UGT8: variants seen among roughly 807,000 people sequenced by gnomAD.
The protein encoded by UGT8 is 2-hydroxyacylsphingosine 1-beta-galactosyltransferase.
A neutral mutation model predicts 40.5 loss-of-function variants in UGT8; 12 were observed. The ratio of observed to expected loss-of-function variants is 0.30; its 90% confidence interval spans 0.19 to 0.48. The LOEUF (loss-of-function observed/expected upper bound fraction) is 0.48, where lower values mean the gene tolerates loss of function less well. Ranked by LOEUF, UGT8 falls within the 20% of genes least tolerant of loss-of-function variation. The pLI, the probability that UGT8 is intolerant of heterozygous loss-of-function variation, is 0.99. For missense variants in UGT8, 513 were observed against 648.7 expected, an observed-to-expected ratio of 0.79 and a Z score of 2.27; for synonymous variants, 224 against 240.4, an observed-to-expected ratio of 0.93 and a Z score of 0.63.
intron 1 of UGT8, among the ~76,000 whole-genome samples, chr4:114,603,852 G>A (rs1730581160): frequency 6.6e-6 from 1 of 152,168 alleles, no homozygotes; most frequent in Non-Finnish European, 1.5e-5. Flanking sequence ...CCAGGACTTG[G>A]ATTTGTGATT....
chr4:114,616,642 A>T (rs1299767867), intron 1 of UGT8, among the ~76,000 whole-genome samples: 20 of 151,860 alleles, frequency 1.3e-4, no homozygotes, highest in Admixed American at 1.3e-3. Flanking sequence ...AGTGAGATGA[A>T]CCCAGTACCT....
chr4:114,647,444 C>T (rs1434671623), intron 2 of UGT8, among the ~76,000 whole-genome samples: 2 of 151,316 alleles, frequency 1.3e-5, no homozygotes, highest in East Asian at 3.9e-4. Flanking sequence ...CAGCTCACTG[C>T]AGCCTCAGTC....
chr4:114,671,344 G>A (rs1469883662), intron 5 of UGT8, among the ~76,000 whole-genome samples: 1 of 152,036 alleles, frequency 6.6e-6, no homozygotes, highest in East Asian at 1.9e-4. Context: ...ACCCCCTATA[G>A]CCAAGACAAT....
intron 1 of UGT8, among the ~76,000 whole-genome samples, chr4:114,614,659 G>T (rs111816357): frequency 0.024 from 1,460 of 60,486 alleles, 32 homozygotes; most frequent in African/African-American, 0.047. Flanking sequence ...TATTTCTGCA[G>T]TTAAGCCGTG....
intron 2 of UGT8, among the ~76,000 whole-genome samples, chr4:114,627,075 T>G (rs1041720565): frequency 1.3e-5 from 2 of 152,184 alleles, no homozygotes; most frequent in Non-Finnish European, 2.9e-5. Context: ...CCTGGCTGCC[T>G]CTAATAGGAG....
rs1735713572 is a variant in UGT8 at position 114,677,216 on chromosome 4, C to T, written c.*928C>T. On this transcript the variant is annotated 3_prime_UTR_variant, in exon 6 of 6. Coordinates refer to ENST00000310836, the MANE Select transcript of UGT8 (RefSeq NM_001128174.3). ...ATTGTATTGTTGAATGTTTATGTAA[C>T]TGATGGCTTTTCTATAATGTAATTT... 6.6e-6 allele frequency: 1 copy of T among 152,174 alleles called. No individual in the cohort carries two copies. The highest frequency in any genetic ancestry group is 2.4e-5 in the African/African-American group (1 of 41,450). 9.4% of individuals were successfully genotyped at this position (152,174 alleles called of 1,614,324 possible).
chr4:114,644,256 T>C (rs1388738617), intron 2 of UGT8, among the ~76,000 whole-genome samples: 1 of 152,134 alleles, frequency 6.6e-6, no homozygotes, highest in South Asian at 2.1e-4. Context: ...AGTGCTATAA[T>C]TAATTATAGC....
At chr4:114,623,903 T>A in intron 2 of UGT8, 1 of 311,558 alleles carries the variant, frequency 3.2e-6, no homozygotes, top group Non-Finnish European at 4.7e-6. Flanking sequence ...TGAGCATTTC[T>A]GTAATACTGA....
intron 2 of UGT8, among the ~76,000 whole-genome samples, chr4:114,626,609 T>C (rs889939399): frequency 6.6e-6 from 1 of 152,198 alleles, no homozygotes; most frequent in African/African-American, 2.4e-5. Context: ...GTAGGTAGAA[T>C]AGAGATAGGG....
At chr4:114,614,886 A>G (rs1731309586) in intron 1 of UGT8, among the ~76,000 whole-genome samples, 1 of 149,740 alleles carries the variant, frequency 6.7e-6, no homozygotes, top group Non-Finnish European at 1.5e-5. Flanking sequence ...TTAACCAACA[A>G]CAGGTGGCCT....
chr4:114,656,125 G>A (rs1056782330), intron 2 of UGT8, among the ~76,000 whole-genome samples: 23 of 152,156 alleles, frequency 1.5e-4, no homozygotes, highest in African/African-American at 4.3e-4. Context: ...CACTTTAATC[G>A]TTTGATTAAG....
At chr4:114,633,591 GTTTGGA>G (rs1732708823) in intron 2 of UGT8, among the ~76,000 whole-genome samples, 1 of 152,182 alleles carries the variant, frequency 6.6e-6, no homozygotes, top group Admixed American at 6.5e-5. Context: ...ACTGTCCAAG[GTTTGGA>G]TTTCCTTCTG....
At chr4:114,660,405 AG>A (rs1343478803) in intron 2 of UGT8, among the ~76,000 whole-genome samples, 2 of 152,170 alleles carry the variant, frequency 1.3e-5, no homozygotes, top group African/African-American at 4.8e-5. Flanking sequence ...TGTGAAACAA[AG>A]GTTCTTTTCA....
Position 114,676,246 on chromosome 4 carries a change from C to T in UGT8, c.1584C>T (p.Tyr528=), listed in dbSNP as rs1472375600. ...HYHNGILNGK[Y]KRNGHIKHEK... is the part of the protein sequence containing the mutation. ...ACAATGGAATCCTCAATGGCAAGTACAAAAGAAATGGCCATATTAAACATG... is the reference window on the plus strand; with the variant it reads ...ACAATGGAATCCTCAATGGCAAGTATAAAAGAAATGGCCATATTAAACATG... The change falls in exon 6 of 6, where the codon TAC becomes TAT. Residue 528 remains tyrosine, a synonymous_variant. Transcript: ENST00000310836. 1 of 1,606,034 alleles carries T rather than the reference C, an allele frequency of 6.2e-7. No individual in the cohort carries two copies.
At chr4:114,644,634 G>A (rs1441089325) in intron 2 of UGT8, among the ~76,000 whole-genome samples, 1 of 152,084 alleles carries the variant, frequency 6.6e-6, no homozygotes, top group Non-Finnish European at 1.5e-5. Flanking sequence ...ATCATAAACT[G>A]AATGGATGAA....
chr4:114,602,907 T>C (rs1264383546), intron 1 of UGT8, among the ~76,000 whole-genome samples: 1 of 152,190 alleles, frequency 6.6e-6, no homozygotes, highest in African/African-American at 2.4e-5. Context: ...AGGAGCTATG[T>C]GATGAGAAAA....
At chr4:114,600,843 T>A (rs1294039893) in intron 1 of UGT8, among the ~76,000 whole-genome samples, 2 of 152,222 alleles carry the variant, frequency 1.3e-5, no homozygotes, top group East Asian at 3.8e-4. Flanking sequence ...AATGTGTCTG[T>A]GTTCAGCAAC....
chr4:114,626,846 T>A (rs751356758), intron 2 of UGT8, among the ~76,000 whole-genome samples: 2 of 152,230 alleles, frequency 1.3e-5, no homozygotes, highest in African/African-American at 2.4e-5. Context: ...TTTATGTCTC[T>A]CAAAGATTGT....
In UGT8 at chr4:114,676,292, A is replaced by G; in HGVS notation, c.*4A>G. 6.4e-7 allele frequency: 1 copy of G among 1,573,196 alleles called. No homozygotes were observed. The highest frequency in any genetic ancestry group is 8.6e-7 in the Non-Finnish European group (1 of 1,160,880). ...ACATGAAAAGAAAGTGAAATGAGCC[A>G]ACAGCCCAGGTGATAGAAATAAATT... On this transcript the variant is annotated 3_prime_UTR_variant, in exon 6 of 6. Transcript: ENST00000310836.
Sources: gnomAD v4.1 joint callset for allele counts (sites outside exome capture counted in the v4.1 genomes callset) on GRCh38, gnomAD v4.1.1 for gene constraint, MANE v1.5 for transcripts, NCBI Gene and HGNC (gene_info 2026-07-23, HGNC 2026-07-21) for gene names.